TTC14: variants seen among roughly 807,000 people sequenced by gnomAD.
TTC14 encodes the protein tetratricopeptide repeat domain 14.
Under a neutral mutation model 79.9 loss-of-function variants are expected in TTC14, and 63 were observed. The ratio of observed to expected loss-of-function variants is 0.79; its 90% CI spans 0.64 to 0.97. The LOEUF is 0.97. Ranked by LOEUF, TTC14 falls within the 50% of genes least tolerant of loss-of-function variation. The probability of loss-of-function intolerance (pLI) is 0.00; values close to 1 mark genes in which losing one functional copy is unlikely to be tolerated. For synonymous variants in TTC14, 335 were observed against 309.6 expected (o/e 1.08, Z -0.86); for missense variants, 895 against 894.0 (o/e 1.00, Z -0.01).
chr3:180,614,710 T>C (rs1717162263), downstream of TTC14: 1 of 479,708 alleles, frequency 2.1e-6, no homozygotes, highest in East Asian at 3.7e-5. Flanking sequence ...GTATAACATG[T>C]AGCCTTGTCA....
At chr3:180,616,960 C>A in intron 12 of TTC14, 1 of 1,368,206 alleles carries the variant, frequency 7.3e-7, no homozygotes, top group Non-Finnish European at 1.0e-6. Context: ...AATGTATTTT[C>A]CATGCTCTGT....
chr3:180,603,779 T>C, intron 3 of TTC14: 1 of 223,242 alleles, frequency 4.5e-6, no homozygotes. Context: ...TGGATAGTCC[T>C]GAATTTAAAC....
intron 9 of TTC14, 72 bp from the exon 10 acceptor site, chr3:180,607,576 C>T (rs1342379120): frequency 1.3e-5 from 20 of 1,516,460 alleles, no homozygotes; most frequent in Non-Finnish European, 1.7e-5. Context: ...TCATATAAGC[C>T]TTTGACCTGT....
Position 180,603,288 on chromosome 3 carries a change from G to C in TTC14, c.451G>C (p.Gly151Arg). 6.2e-7 allele frequency: 1 copy of C among 1,613,952 alleles called. No individual in the cohort carries two copies. The highest frequency in any genetic ancestry group is 8.5e-7 in the Non-Finnish European group (1 of 1,179,964). Residue 151 changes from glycine (G) to arginine (R), a missense_variant, in exon 3 of 12, where the codon GGT (glycine) becomes CGT (arginine). Gly to Arg is a moderately radical substitution (Grantham distance 125, BLOSUM62 -2). Transcript: ENST00000296015. ...CATGGTGTTGATCTGTTTAGGAAGT[G>C]GTATCATGAGAGATATAGCCCACTT... Reference protein sequence around the residue: ...FFMVLICLGSGIMRDIAHLEI... With the variant: ...FFMVLICLGSRIMRDIAHLEI...
Position 180,609,636 on chromosome 3 carries a change from GAAGAA to G in TTC14, c.1413_1417del (p.Arg472LysfsTer12), listed in dbSNP as rs1490071227. The stretch of plus-strand genomic sequence containing the variant: ...AATGAACTGTTTTTTTTAGGCTAAA[GAAGAA>G]AAGAAGAAAATCAACTTCTTCTTCA... On this transcript the variant is annotated frameshift_variant, in exon 12 of 12. Coordinates refer to ENST00000296015, the MANE Select transcript of TTC14 (RefSeq NM_133462.4). LOFTEE classifies it high-confidence loss of function. 1.9e-6 allele frequency: 3 copies of G among 1,549,568 alleles called. No individual in the cohort carries two copies. Among genetic ancestry groups the G allele is most frequent in the Non-Finnish European group, 1.7e-6 (2 of 1,155,100 alleles).
At chr3:180,605,959 T>C in intron 7 of TTC14, 122 bp downstream of exon 7, 1 of 1,025,864 alleles carries the variant, frequency 9.7e-7, no homozygotes, top group Non-Finnish European at 1.4e-6. Flanking sequence ...CTTTTTGACA[T>C]GAGCTTTTCT....
chr3:180,602,740 G>C, intron 1 of TTC14, 151 bp from the exon 2 acceptor site: 1 of 935,964 alleles, frequency 1.1e-6, no homozygotes, highest in South Asian at 1.9e-5. Context: ...TGGTTAATGA[G>C]GGAATGCCTA....
chr3:180,607,642 A>C lies in TTC14; in HGVS notation c.1173-6A>C. On this transcript the variant is annotated splice_region_variant and splice_polypyrimidine_tract_variant and intron_variant, in intron 9 of 11. Transcript: ENST00000296015. ...CAAAAAAGCTAAATCTTTCTTTCAA[A>C]TTTAGGTTAGAAGAAGAAGAAAAGT... The C allele has an allele frequency of 6.3e-7, 1 of 1,594,858 alleles. No homozygotes were observed.
At chr3:180,616,767 A>G (rs1717260407) in intron 12 of TTC14, 6 of 1,578,692 alleles carry the variant, frequency 3.8e-6, no homozygotes, top group Middle Eastern at 1.7e-4. Context: ...TAGATGAAGG[A>G]GGATTTGGGA....
At chr3:180,614,007 G>A (rs116918398), downstream of TTC14, 185 of 350,388 alleles carry the variant, frequency 5.3e-4, 1 homozygote, top group East Asian at 0.014. Context: ...ATGTACATTC[G>A]TGAATTCTAA....
At chr3:180,604,370 T>C (rs1037714425) in intron 4 of TTC14, 61 bp downstream of exon 4, 10 of 1,568,286 alleles carry the variant, frequency 6.4e-6, no homozygotes, top group Middle Eastern at 1.7e-4. Flanking sequence ...TTTTTATTAA[T>C]TTAAAAAAAT....
At chr3:180,603,716 C>T (rs540893949) in intron 3 of TTC14, 2 of 241,324 alleles carry the variant, frequency 8.3e-6, no homozygotes, top group East Asian at 2.4e-4. Flanking sequence ...TATATATTTA[C>T]AATAATTAAA....
At chr3:180,609,094 G>GCTCTA in intron 11 of TTC14, 1 of 878,020 alleles carries the variant, frequency 1.1e-6, no homozygotes, top group Non-Finnish European at 1.4e-6. Flanking sequence ...CTAGAGCAGT[G>GCTCTA]GTTCTCAACT....
intron 7 of TTC14, 188 bp downstream of exon 7, chr3:180,606,025 A>C (rs1056968549): frequency 1.2e-6 from 1 of 818,980 alleles, no homozygotes; most frequent in Non-Finnish European, 1.9e-6. Flanking sequence ...TTTACTCAGC[A>C]TTTCAGTTTT....
chr3:180,603,813 G>A, intron 3 of TTC14: 1 of 221,390 alleles, frequency 4.5e-6, no homozygotes, highest in Admixed American at 5.3e-5. Flanking sequence ...TAAAAGATTG[G>A]GTATTTGCCA....
downstream of TTC14, chr3:180,614,661 A>G (rs1041751751): frequency 2.8e-5 from 10 of 355,866 alleles, no homozygotes; most frequent in Non-Finnish European, 4.0e-5. Flanking sequence ...CACTACGAAC[A>G]TCAGAATTAC....
Position 180,602,198 on chromosome 3 carries a change from A to T in TTC14, c.-64A>T, listed in dbSNP as rs1378707981. ...TTCCGCTTCCTGTACCACCCGGCTC[A>T]AGTAGCGGACACGGAACAGGGAACT... On this transcript the variant is annotated 5_prime_UTR_variant, in exon 1 of 12. Transcript: ENST00000296015. The T allele has an allele frequency of 1.3e-6, 2 of 1,584,120 alleles. No homozygotes were observed. Among genetic ancestry groups the T allele is most frequent in the East Asian group, 2.2e-5 (1 of 44,654 alleles).
chr3:180,605,698 CAGAGTTAAGTAT>C, intron 6 of TTC14, 56 bp from the exon 7 acceptor site: 4 of 1,153,010 alleles, frequency 3.5e-6, no homozygotes, highest in Non-Finnish European at 4.9e-6. Context: ...GCCTGTCAAG[CAGAGTTAAGTAT>C]AGTTACTTAA....
At position 180,609,835 on chromosome 3, in the gene TTC14, T is replaced by A; in HGVS notation, c.1606T>A (p.Cys536Ser). 1.2e-6 allele frequency: 2 copies of A among 1,613,650 alleles called. No homozygotes were observed. Among genetic ancestry groups the A allele is most frequent in the Non-Finnish European group, 1.7e-6 (2 of 1,179,830 alleles). ...NQIDQNRKDECYPVPANTSAS... is the reference protein window; with the variant it reads ...NQIDQNRKDESYPVPANTSAS... ...GATAGATCAGAATAGGAAAGATGAGTGCTACCCAGTTCCAGCTAATACTTC... is the reference window on the plus strand; with the variant it reads ...GATAGATCAGAATAGGAAAGATGAGAGCTACCCAGTTCCAGCTAATACTTC... The change falls in exon 12 of 12, where the codon TGC becomes AGC. Residue 536 changes from cysteine to serine, a missense_variant. Physicochemically the swap from Cys to Ser is moderately radical, Grantham distance 112 (BLOSUM62 -1). Transcript: ENST00000296015.
Sources: gnomAD v4.1 joint callset for allele counts on GRCh38, gnomAD v4.1.1 for gene constraint, MANE v1.5 for transcripts, NCBI Gene and HGNC (gene_info 2026-07-23, HGNC 2026-07-21) for gene names.